Variants in FMN1 observed in about 807,000 individuals in gnomAD.
FMN1 encodes formin-1.
FMN1 carries 110 observed loss-of-function variants against 132.4 expected under a neutral mutation model. That is an observed-to-expected ratio of 0.83 (90% CI 0.71 to 0.97). The LOEUF is 0.97. FMN1 is among the 50% of genes least tolerant of loss of function. The pLI, the probability that FMN1 is intolerant of heterozygous loss-of-function variation, is 0.00. For synonymous variants in FMN1, 722 were observed against 651.7 expected (o/e 1.11, Z -1.64); for missense variants, 1,792 against 1,705.3 (o/e 1.05, Z -0.90).
chr15:33,066,648 G>C (rs752787150), intron 5 of FMN1: 1 of 1,613,802 alleles, frequency 6.2e-7, no homozygotes, highest in East Asian at 2.2e-5. Flanking sequence ...CCCTTTCTGG[G>C]GGGCCGGATG....
chr15:33,038,691 T>C (rs2036292840), intron 6 of FMN1, among the ~76,000 whole-genome samples: 1 of 152,190 alleles, frequency 6.6e-6, no homozygotes. Context: ...GATAAATTAT[T>C]TGGAATTATC....
At chr15:33,104,830 C>T (rs775827674) in intron 4 of FMN1, among the ~76,000 whole-genome samples, 1 of 152,080 alleles carries the variant, frequency 6.6e-6, no homozygotes, top group Non-Finnish European at 1.5e-5. Context: ...ACTTGCTTTG[C>T]AGAAATTAAA....
chr15:33,033,252 G>C (rs933353278), intron 6 of FMN1, among the ~76,000 whole-genome samples: 4 of 152,234 alleles, frequency 2.6e-5, no homozygotes, highest in South Asian at 2.1e-4. Context: ...GGATAGTCTT[G>C]ATCTCCTGAC....
At chr15:33,085,483 A>G (rs999104364) in intron 5 of FMN1, among the ~76,000 whole-genome samples, 2 of 151,258 alleles carry the variant, frequency 1.3e-5, no homozygotes, top group African/African-American at 4.8e-5. Context: ...ACTAATATAT[A>G]CTGTTTAATT....
chr15:32,848,996 T>TC (rs1402764831), intron 17 of FMN1, among the ~76,000 whole-genome samples: 18 of 142,846 alleles, frequency 1.3e-4, no homozygotes, highest in African/African-American at 3.5e-4. Context: ...TTTTTTTTTT[T>TC]TTTCAGAGAC....
chr15:33,053,287 C>A (rs1486100128), intron 6 of FMN1, among the ~76,000 whole-genome samples: 2 of 152,222 alleles, frequency 1.3e-5, no homozygotes, highest in African/African-American at 2.4e-5. Context: ...CCCTCTGGGG[C>A]TTTGGGGTCG....
chr15:32,787,825 A>G (rs1341260878), intron 19 of FMN1, among the ~76,000 whole-genome samples: 1 of 152,184 alleles, frequency 6.6e-6, no homozygotes, highest in Non-Finnish European at 1.5e-5. Flanking sequence ...TAGCCTGGGC[A>G]AAAGAATGAG....
At chr15:32,839,475 G>A (rs1166807746) in intron 17 of FMN1, among the ~76,000 whole-genome samples, 1 of 152,006 alleles carries the variant, frequency 6.6e-6, no homozygotes, top group Non-Finnish European at 1.5e-5. Flanking sequence ...GAGCACCAGG[G>A]ACCTGAAGCC....
At chr15:33,163,492 C>G (rs909706240) in intron 3 of FMN1, among the ~76,000 whole-genome samples, 10 of 151,536 alleles carry the variant, frequency 6.6e-5, no homozygotes, top group Non-Finnish European at 1.2e-4. Context: ...GGGGGTTTCT[C>G]CATGTTGGTC....
chr15:32,885,174 T>C (rs1268328351), intron 16 of FMN1, among the ~76,000 whole-genome samples: 2 of 152,242 alleles, frequency 1.3e-5, no homozygotes, highest in Non-Finnish European at 2.9e-5. Flanking sequence ...GTATGTCTAT[T>C]TGACAATCCA....
intron 5 of FMN1, among the ~76,000 whole-genome samples, chr15:33,085,744 G>C (rs539006473): frequency 1.3e-5 from 2 of 152,016 alleles, no homozygotes; most frequent in Admixed American, 1.3e-4. Context: ...ATAATGGGGG[G>C]AAAGGGTATA....
chr15:32,850,972 G>A (rs1303026885), intron 17 of FMN1, among the ~76,000 whole-genome samples: 2 of 151,974 alleles, frequency 1.3e-5, no homozygotes, highest in Non-Finnish European at 2.9e-5. Flanking sequence ...GCAGGAGAAT[G>A]GCGTGAACCC....
intron 5 of FMN1, among the ~76,000 whole-genome samples, chr15:33,082,092 A>AGTGTGTGTGTGTGT (rs1566899546): frequency 3.4e-5 from 3 of 87,920 alleles, no homozygotes; most frequent in Admixed American, 1.2e-4. Flanking sequence ...GCTGGAAAAC[A>AGTGTGTGTGTGTGT]ATGTGTGTGT....
rs760680441 is a variant in FMN1, at chr15:32,908,577, C to G, written c.3290G>C (p.Arg1097Thr). 6 of 1,272,126 alleles carry G rather than the reference C, an allele frequency of 4.7e-6. No individual in the cohort carries two copies. The highest frequency in any genetic ancestry group is 6.7e-6 in the Non-Finnish European group (6 of 895,240). 78.8% of individuals were successfully genotyped at this position (1,272,126 alleles called of 1,614,324 possible). Residue 1097 changes from arginine (R) to threonine (T), a missense_variant and splice_region_variant, in exon 12 of 21, where the codon AGA becomes ACA. By Grantham distance (71) the Arg-to-Thr change is moderately conservative. This residue lies in a region of FMN1 where 1,150 missense variants were observed against 1,043.1 expected (regional missense o/e 1.10). Coordinates refer to ENST00000616417, the MANE Select transcript of FMN1 (RefSeq NM_001277313.2). Reference sequence around the variant, plus strand: ...TTTAACCAGCTCATCCTCTTGGGCTCTCTGTATCAAAATAGAAAACAAAAC... The same window carrying G: ...TTTAACCAGCTCATCCTCTTGGGCTGTCTGTATCAAAATAGAAAACAAAAC... ...LETLAALYEN[R>T]AQEDELVKIR...
intron 5 of FMN1, among the ~76,000 whole-genome samples, chr15:33,075,621 T>C (rs1232051837): frequency 6.6e-6 from 1 of 152,184 alleles, no homozygotes; most frequent in African/African-American, 2.4e-5. Flanking sequence ...TGTTCTTTAT[T>C]TTGTTTCCCA....
chr15:32,912,689 G>A (rs759369702), intron 10 of FMN1, among the ~76,000 whole-genome samples: 2 of 151,870 alleles, frequency 1.3e-5, no homozygotes, highest in African/African-American at 2.4e-5. Context: ...CCCAGGGAGA[G>A]GTAACTGCAA....
chr15:32,915,880 A>C (rs2060672244), intron 10 of FMN1, among the ~76,000 whole-genome samples: 1 of 152,236 alleles, frequency 6.6e-6, no homozygotes, highest in African/African-American at 2.4e-5. Context: ...ATATGTCAAA[A>C]GGAAGTAGAC....
intron 12 of FMN1, among the ~76,000 whole-genome samples, chr15:32,904,250 CCT>C (rs1220284512): frequency 2.0e-5 from 3 of 151,938 alleles, no homozygotes; most frequent in African/African-American, 7.3e-5. Flanking sequence ...TCCCCGGAGC[CCT>C]GTGATGCTCA....
chr15:33,038,579 A>C (rs984937364), intron 6 of FMN1, among the ~76,000 whole-genome samples: 1 of 152,364 alleles, frequency 6.6e-6, no homozygotes, highest in African/African-American at 2.4e-5. Context: ...GGACTGAGTT[A>C]TAATTTTTAT....
Sources: gnomAD v4.1 joint callset for allele counts (sites outside exome capture counted in the v4.1 genomes callset) on GRCh38, gnomAD v4.1.1 for gene constraint, gnomAD v4.1.1 regional missense constraint, MANE v1.5 for transcripts, NCBI Gene and HGNC (gene_info 2026-07-23, HGNC 2026-07-21) for gene names.